Variants in TANC2 observed in about 807,000 individuals in gnomAD.
The protein encoded by TANC2 is tetratricopeptide repeat, ankyrin repeat and coiled-coil containing 2.
In TANC2, 26 loss-of-function variants were observed where a neutral mutation model predicts 210.5. The observed-to-expected ratio is 0.12, with a 90% CI of 0.09 to 0.17. The LOEUF (loss-of-function observed/expected upper bound fraction) is 0.17, where lower values mean the gene tolerates loss of function less well. Among genes scored for constraint, TANC2 ranks in the 10% least tolerant of loss-of-function variants. TANC2 has a pLI of 1.00. For missense variants in TANC2, 2,129 were observed against 2,608.9 expected (o/e 0.82, Z 4.01); for synonymous variants, 931 against 967.1 (o/e 0.96, Z 0.69).
chr17:63,332,320 C>T, intron 11 of TANC2: 1 of 326,390 alleles, frequency 3.1e-6, no homozygotes, highest in Non-Finnish European at 6.0e-6. Flanking sequence ...TATTCCTTGA[C>T]CCTTACTAAT....
At chr17:63,213,460 G>A (rs1228311933) in intron 7 of TANC2, among the ~76,000 whole-genome samples, 1 of 152,170 alleles carries the variant, frequency 6.6e-6, no homozygotes, top group Non-Finnish European at 1.5e-5. Flanking sequence ...TACAGAGCCA[G>A]CTGACCAAAT....
chr17:63,038,276 C>G (rs940005942), intron 2 of TANC2, among the ~76,000 whole-genome samples: 1 of 152,136 alleles, frequency 6.6e-6, no homozygotes, highest in African/African-American at 2.4e-5. Context: ...GTAATAAGAT[C>G]ATATGAGTTT....
At chr17:63,175,533 CAAA>C (rs57220783) in intron 5 of TANC2, among the ~76,000 whole-genome samples, 37,593 of 103,178 alleles carry the variant, frequency 0.36, 6,414 homozygotes, top group African/African-American at 0.54. Context: ...TCTCCCCCGC[CAAA>C]AAAAAAAAAA....
At chr17:63,205,361 A>AAAAAAAC (rs1350307390) in intron 7 of TANC2, among the ~76,000 whole-genome samples, 1 of 147,726 alleles carries the variant, frequency 6.8e-6, no homozygotes. Flanking sequence ...AAAAAAAAAA[A>AAAAAAAC]AAAAAAAAAA....
At chr17:63,277,410 CA>C (rs1384100466) in intron 9 of TANC2, among the ~76,000 whole-genome samples, 13 of 151,766 alleles carry the variant, frequency 8.6e-5, no homozygotes, top group Admixed American at 8.5e-4. Flanking sequence ...GAAGACCCAT[CA>C]GTTATCTTTT....
chr17:63,122,463 C>G (rs1327690601), intron 4 of TANC2, among the ~76,000 whole-genome samples: 1 of 152,126 alleles, frequency 6.6e-6, no homozygotes, highest in Admixed American at 6.5e-5. Flanking sequence ...ATGGCTGGGT[C>G]TAGTGGCTCA....
chr17:62,980,874 C>T (rs1021513368), intron 1 of TANC2, among the ~76,000 whole-genome samples: 2 of 152,164 alleles, frequency 1.3e-5, no homozygotes, highest in African/African-American at 4.8e-5. Context: ...CTCATATCCT[C>T]ATTTCCTTTT....
chr17:63,323,085 G>T (rs1197857927), intron 11 of TANC2, among the ~76,000 whole-genome samples: 4 of 152,216 alleles, frequency 2.6e-5, no homozygotes, highest in Admixed American at 2.0e-4. Context: ...TTCTGTAGAC[G>T]CATAGAGCAG....
Position 63,409,294 on chromosome 17 carries a change from CCCATCTCAGCCTT to C in TANC2, c.3590-2214_3590-2202del, listed in dbSNP as rs199627377. Among the ~76,000 whole-genome samples the C allele has an allele frequency of 2.4e-4, 37 of 152,216 alleles. 1 individual carries two copies. The East Asian group carries it at 6.4e-3, about 26-fold the overall frequency. ...TCAAGCGATCCTCCCATCTCATCCT[CCCATCTCAGCCTT>C]CCTAGTAGCTAAGACTACAGGCTCA... On this transcript the variant is annotated intron_variant, in intron 21 of 27. Coordinates refer to ENST00000689528, the Ensembl canonical transcript of TANC2.
At chr17:63,235,362 G>A (rs1265483745) in intron 7 of TANC2, among the ~76,000 whole-genome samples, 3 of 151,984 alleles carry the variant, frequency 2.0e-5, no homozygotes, top group African/African-American at 4.8e-5. Context: ...GGGAAATAGA[G>A]TATAATAAAT....
At chr17:63,318,735 C>T (rs1457302868) in intron 10 of TANC2, among the ~76,000 whole-genome samples, 1 of 152,112 alleles carries the variant, frequency 6.6e-6, no homozygotes, top group African/African-American at 2.4e-5. Flanking sequence ...TTCATCTATT[C>T]ATCAGTTGGT....
At chr17:63,365,691 C>G (rs778730281) in intron 14 of TANC2, among the ~76,000 whole-genome samples, 5 of 152,098 alleles carry the variant, frequency 3.3e-5, no homozygotes, top group African/African-American at 4.8e-5. Flanking sequence ...CTTGCACTTT[C>G]CCACCTCTGG....
intron 5 of TANC2, 190 bp from the exon 6 acceptor site, chr17:63,193,801 C>T (rs563323958): frequency 4.6e-5 from 24 of 525,224 alleles, no homozygotes; most frequent in Non-Finnish European, 5.7e-5. Flanking sequence ...TTATTTGATT[C>T]GTGTAAATTT....
intron 4 of TANC2, among the ~76,000 whole-genome samples, chr17:63,132,454 G>A (rs891169106): frequency 6.6e-6 from 1 of 152,080 alleles, no homozygotes; most frequent in Admixed American, 6.6e-5. Context: ...TCATGCCTTT[G>A]TGTATTTAAG....
chr17:63,378,457 T>A (rs984651797), intron 14 of TANC2, among the ~76,000 whole-genome samples: 1 of 152,134 alleles, frequency 6.6e-6, no homozygotes, highest in African/African-American at 2.4e-5. Flanking sequence ...TATTACCTCA[T>A]ATAACAAGTT....
intron 5 of TANC2, among the ~76,000 whole-genome samples, chr17:63,172,081 A>G (rs1011595237): frequency 6.6e-6 from 1 of 152,154 alleles, no homozygotes; most frequent in African/African-American, 2.4e-5. Flanking sequence ...GTCCCTAACC[A>G]AGTAACATTT....
chr17:62,983,430 T>C (rs1303182810), intron 1 of TANC2, among the ~76,000 whole-genome samples: 1 of 152,170 alleles, frequency 6.6e-6, no homozygotes, highest in Non-Finnish European at 1.5e-5. Context: ...TCAGTTTGAC[T>C]TTCTCCTTTG....
intron 7 of TANC2, among the ~76,000 whole-genome samples, chr17:63,215,820 GC>G (rs2042011431): frequency 6.6e-6 from 1 of 151,970 alleles, no homozygotes; most frequent in South Asian, 2.1e-4. Flanking sequence ...TGTGGTATCA[GC>G]TCACTGCAAG....
chr17:63,055,740 A>G (rs2035749533), intron 2 of TANC2, among the ~76,000 whole-genome samples: 1 of 150,390 alleles, frequency 6.6e-6, no homozygotes, highest in African/African-American at 2.5e-5. Context: ...ATCTGTAATG[A>G]AGGAATAGTG....
Sources: allele counts gnomAD v4.1 joint callset (sites outside exome capture counted in the v4.1 genomes callset), GRCh38; gene constraint gnomAD v4.1.1; transcripts MANE v1.5; gene names NCBI Gene and HGNC (gene_info 2026-07-23, HGNC 2026-07-21).